TNFSF4: variants seen among roughly 807,000 people sequenced by gnomAD.
TNFSF4 encodes tumor necrosis factor ligand superfamily member 4.
TNFSF4 carries 4 observed loss-of-function variants against 7.3 expected under a neutral mutation model. The ratio of observed to expected loss-of-function variants is 0.55; its 90% confidence interval spans 0.27 to 1.25. The LOEUF is 1.25. Among genes scored for constraint, TNFSF4 ranks in the 50% most tolerant of loss-of-function variants. The pLI, the probability that TNFSF4 is intolerant of heterozygous loss-of-function variation, is 0.12. For missense variants in TNFSF4, 181 were observed against 208.8 expected, an observed-to-expected ratio of 0.87 and a Z score of 0.82; for synonymous variants, 76 against 83.7, an observed-to-expected ratio of 0.91 and a Z score of 0.50.
intron 1 of TNFSF4, among the ~76,000 whole-genome samples, chr1:173,203,367 A>C (rs564571690): frequency 6.6e-6 from 1 of 152,226 alleles, no homozygotes; most frequent in Non-Finnish European, 1.5e-5. Context: ...TCAACTTCAG[A>C]TGTTAATTTT....
At chr1:173,429,848 C>T in the TNFSF4 span, among the ~76,000 whole-genome samples, 251 of 152,334 alleles carry the variant, frequency 1.6e-3, 3 homozygotes, top group African/African-American at 5.6e-3. Context: ...CTTAAAGTGA[C>T]ATTGGTCATA....
the TNFSF4 span, among the ~76,000 whole-genome samples, chr1:173,350,457 G>T: frequency 6.6e-6 from 1 of 152,180 alleles, no homozygotes; most frequent in Non-Finnish European, 1.5e-5. Flanking sequence ...GCAAGTGGGT[G>T]TCCAACATTC....
At chr1:173,380,475 G>A in the TNFSF4 span, among the ~76,000 whole-genome samples, 2 of 152,086 alleles carry the variant, frequency 1.3e-5, no homozygotes, top group African/African-American at 2.4e-5. Flanking sequence ...TAACTTCTGA[G>A]TCACCCGAAC....
At chr1:173,295,615 CT>C in the TNFSF4 span, among the ~76,000 whole-genome samples, 22 of 151,986 alleles carry the variant, frequency 1.4e-4, no homozygotes, top group Admixed American at 1.4e-3. Flanking sequence ...ATTGTTTCTG[CT>C]GTTAATCCTC....
the TNFSF4 span, among the ~76,000 whole-genome samples, chr1:173,328,510 T>G: frequency 1.4e-5 from 2 of 141,306 alleles, no homozygotes; most frequent in Admixed American, 1.4e-4. Flanking sequence ...ATAATAATAA[T>G]AAAATAAAAA....
At chr1:173,430,543 AT>A in the TNFSF4 span, among the ~76,000 whole-genome samples, 1 of 152,270 alleles carries the variant, frequency 6.6e-6, no homozygotes, top group East Asian at 1.9e-4. Flanking sequence ...ATTTCATTAT[AT>A]TTTGTTGCTT....
the TNFSF4 span, among the ~76,000 whole-genome samples, chr1:173,396,156 C>T: frequency 6.6e-6 from 1 of 152,146 alleles, no homozygotes; most frequent in Non-Finnish European, 1.5e-5. Flanking sequence ...TCCAAAACAA[C>T]TACTTGAGTT....
chr1:173,217,807 TG>T, the TNFSF4 span, among the ~76,000 whole-genome samples: 1 of 152,120 alleles, frequency 6.6e-6, no homozygotes, highest in Non-Finnish European at 1.5e-5. Flanking sequence ...CAGGCTGGAG[TG>T]GCATAATCAC....
the TNFSF4 span, among the ~76,000 whole-genome samples, chr1:173,385,849 G>C: frequency 7.1e-6 from 1 of 140,948 alleles, no homozygotes; most frequent in Non-Finnish European, 1.6e-5. Context: ...CTCAGAAAAA[G>C]AAAAAAAAAA....
chr1:173,197,603 G>A (rs909169627), intron 1 of TNFSF4, among the ~76,000 whole-genome samples: 1 of 152,148 alleles, frequency 6.6e-6, no homozygotes, highest in Non-Finnish European at 1.5e-5. Flanking sequence ...GAAAAACACC[G>A]CATGTTCTCA....
At chr1:173,243,000 T>TGGGCG in the TNFSF4 span, among the ~76,000 whole-genome samples, 198 of 5,216 alleles carry the variant, frequency 0.038, 20 homozygotes, top group Non-Finnish European at 0.046. Context: ...AAGAAGTTGG[T>TGGGCG]GGGTGGGGGG....
the TNFSF4 span, among the ~76,000 whole-genome samples, chr1:173,304,232 C>T: frequency 2.6e-5 from 4 of 151,818 alleles, no homozygotes; most frequent in Non-Finnish European, 4.4e-5. Context: ...AAAAATAAAA[C>T]CTTTATTGCA....
chr1:173,176,132 G>C, the TNFSF4 span, among the ~76,000 whole-genome samples: 1 of 152,044 alleles, frequency 6.6e-6, no homozygotes, highest in Non-Finnish European at 1.5e-5. Flanking sequence ...TGGTGTAATT[G>C]CTTTTTTTGT....
chr1:173,423,284 T>C, the TNFSF4 span, among the ~76,000 whole-genome samples: 1 of 152,320 alleles, frequency 6.6e-6, no homozygotes, highest in South Asian at 2.1e-4. Context: ...CAAAATTATA[T>C]AGCCAATAAC....
In TNFSF4 at chr1:173,187,280, G is replaced by A. The variant is rs982841874; in HGVS notation, c.203-415C>T. 2.0e-4 allele frequency among the ~76,000 whole-genome samples: 30 copies of A among 152,292 alleles called. No individual in the cohort carries two copies. In the East Asian group the frequency reaches 5.8e-3, roughly 29 times the overall value. On this transcript the variant is annotated intron_variant, in intron 2 of 2. Transcript: ENST00000281834. ...GGGTTTCCCCAATTTTTCAGAACAA[G>A]GATGGATTGGCAACTTCAGTGCCTC...
the TNFSF4 span, among the ~76,000 whole-genome samples, chr1:173,330,325 T>C: frequency 2.0e-5 from 3 of 151,014 alleles, no homozygotes; most frequent in Middle Eastern, 3.5e-3. Context: ...ATATTAATGG[T>C]ATATTATATA....
the TNFSF4 span, among the ~76,000 whole-genome samples, chr1:173,338,912 G>T: frequency 1.3e-5 from 2 of 152,116 alleles, no homozygotes; most frequent in African/African-American, 4.8e-5. Flanking sequence ...GCTACCAAAA[G>T]GAAATCGGAC....
At chr1:173,358,998 T>C in the TNFSF4 span, among the ~76,000 whole-genome samples, 7 of 152,366 alleles carry the variant, frequency 4.6e-5, no homozygotes, top group African/African-American at 1.7e-4. Flanking sequence ...ACATTTACTA[T>C]ACATGTATAT....
At chr1:173,434,159 G>A in the TNFSF4 span, among the ~76,000 whole-genome samples, 2 of 152,194 alleles carry the variant, frequency 1.3e-5, no homozygotes, top group African/African-American at 4.8e-5. Context: ...TTTCTGCAGT[G>A]TCATCTGCTC....
Sources: gnomAD v4.1 joint callset for allele counts (sites outside exome capture counted in the v4.1 genomes callset) on GRCh38, gnomAD v4.1.1 for gene constraint, MANE v1.5 for transcripts, NCBI Gene and HGNC (gene_info 2026-07-23, HGNC 2026-07-21) for gene names.